The following SCD5 variants were observed in gnomAD, a reference collection of about 807,000 sequenced individuals.
SCD5 encodes acyl-CoA-desaturase 4.
A neutral mutation model predicts 30.4 loss-of-function variants in SCD5; 20 were observed. The observed-to-expected ratio is 0.66, with a 90% CI of 0.46 to 0.96. SCD5 has a LOEUF of 0.96. SCD5 is among the 40% of genes least tolerant of loss of function. The pLI, the probability that SCD5 is intolerant of heterozygous loss-of-function variation, is 0.00. For synonymous variants in SCD5, 173 were observed against 176.4 expected (o/e 0.98, Z 0.16); for missense variants, 381 against 443.3 (o/e 0.86, Z 1.26).
chr4:82,724,853 G>A (rs1011765583), intron 1 of SCD5, among the ~76,000 whole-genome samples: 7 of 152,198 alleles, frequency 4.6e-5, no homozygotes, highest in African/African-American at 1.7e-4. Flanking sequence ...AGACATTTAG[G>A]CCCCAGGGCC....
At chr4:82,638,425 A>C (rs1395370) in intron 3 of SCD5, among the ~76,000 whole-genome samples, 137,224 of 152,212 alleles carry the variant, frequency 0.9, 61,995 homozygotes, top group East Asian at 0.99. Flanking sequence ...GCATGCATTA[A>C]TGGAGTGGCT....
At chr4:82,650,034 G>T (rs757685962) in intron 3 of SCD5, among the ~76,000 whole-genome samples, 22 of 152,186 alleles carry the variant, frequency 1.4e-4, no homozygotes, top group Non-Finnish European at 2.6e-4. Flanking sequence ...TCCACGTGCT[G>T]CTTCCTTCAG....
chr4:82,653,690 A>ATAGATAGATAGATAGC, intron 3 of SCD5, among the ~76,000 whole-genome samples: 1 of 140,464 alleles, frequency 7.1e-6, no homozygotes, highest in African/African-American at 2.7e-5. Flanking sequence ...AGATAGATAG[A>ATAGATAGATAGATAGC]TAGATAGATA....
chr4:82,679,300 G>GAA lies in SCD5; in HGVS notation c.569+1405_569+1406dup, dbSNP rs1445363717. On this transcript the variant is annotated intron_variant, in intron 3 of 4. Coordinates refer to ENST00000319540, the MANE Select transcript of SCD5 (RefSeq NM_001037582.3). ...AGAAAGAAGGAAGGAAAGAAAGAAA[G>GAA]AAAACATCTTGTTATTTTCTGCTAT... Among the ~76,000 whole-genome samples the GAA allele has an allele frequency of 3.4e-5, 5 of 149,162 alleles. 1 individual carries two copies. The highest frequency in any genetic ancestry group is 2.0e-4 in the East Asian group (1 of 5,014).
At chr4:82,760,238 A>G (rs1266593273) in intron 1 of SCD5, among the ~76,000 whole-genome samples, 1 of 152,150 alleles carries the variant, frequency 6.6e-6, no homozygotes, top group Non-Finnish European at 1.5e-5. Flanking sequence ...CAGTCCTGAC[A>G]ACCTGAGCCC....
intron 3 of SCD5, among the ~76,000 whole-genome samples, chr4:82,666,375 G>T (rs930809374): frequency 6.6e-6 from 1 of 152,124 alleles, no homozygotes; most frequent in African/African-American, 2.4e-5. Flanking sequence ...TGTTAGCCGG[G>T]CGTGGTGGCG....
chr4:82,632,636 A>T (rs1283805296), intron 4 of SCD5, among the ~76,000 whole-genome samples: 1 of 152,192 alleles, frequency 6.6e-6, no homozygotes, highest in East Asian at 1.9e-4. Context: ...TGGTTGAACT[A>T]GTTTATAGTC....
At chr4:82,783,869 A>T (rs1357249033) in intron 1 of SCD5, among the ~76,000 whole-genome samples, 1 of 152,078 alleles carries the variant, frequency 6.6e-6, no homozygotes, top group Non-Finnish European at 1.5e-5. Flanking sequence ...AGAAAGAAAG[A>T]AATGTCCAGA....
intron 1 of SCD5, among the ~76,000 whole-genome samples, chr4:82,727,707 G>A (rs1415745376): frequency 6.6e-6 from 1 of 152,012 alleles, no homozygotes; most frequent in South Asian, 2.1e-4. Flanking sequence ...GAGACTTTTT[G>A]TTTCATTTTT....
intron 1 of SCD5, among the ~76,000 whole-genome samples, chr4:82,768,700 G>A (rs577111744): frequency 6.6e-6 from 1 of 152,282 alleles, no homozygotes; most frequent in South Asian, 2.1e-4. Flanking sequence ...ATAAAGTAAA[G>A]GTGCGAGTCA....
intron 1 of SCD5, among the ~76,000 whole-genome samples, chr4:82,742,078 CAAAAAAA>C (rs11366931): frequency 1.1e-5 from 1 of 92,402 alleles, no homozygotes; most frequent in Admixed American, 1.2e-4. Flanking sequence ...GAGTCCGTCT[CAAAAAAA>C]AAAAAAAAAG....
chr4:82,660,974 C>T (rs1418600955), intron 3 of SCD5: 17 of 1,613,942 alleles, frequency 1.1e-5, no homozygotes, highest in South Asian at 2.2e-5. Context: ...ATGTGTAATC[C>T]GGGAAGGGTG....
intron 2 of SCD5, among the ~76,000 whole-genome samples, chr4:82,695,013 A>AGG (rs1553916443): frequency 7.8e-6 from 1 of 127,458 alleles, no homozygotes; most frequent in Admixed American, 7.4e-5. Context: ...TGGGGACCCC[A>AGG]CTACTGTTCT....
At chr4:82,720,658 T>C (rs896237535) in intron 1 of SCD5, among the ~76,000 whole-genome samples, 1 of 152,062 alleles carries the variant, frequency 6.6e-6, no homozygotes, top group African/African-American at 2.4e-5. Flanking sequence ...CAACCCTCTG[T>C]AGGTCCAGGT....
intron 1 of SCD5, among the ~76,000 whole-genome samples, chr4:82,795,382 G>T (rs1392957861): frequency 6.6e-6 from 1 of 152,194 alleles, no homozygotes; most frequent in African/African-American, 2.4e-5. Context: ...AGGGCCTTCA[G>T]TGGGGGGAAA....
At chr4:82,652,369 A>AT (rs1363494045) in intron 3 of SCD5, among the ~76,000 whole-genome samples, 4 of 152,230 alleles carry the variant, frequency 2.6e-5, no homozygotes, top group African/African-American at 9.6e-5. Context: ...TAAAATATAA[A>AT]ATATACCAGC....
intron 1 of SCD5, among the ~76,000 whole-genome samples, chr4:82,716,973 A>T (rs1720241526): frequency 6.6e-6 from 1 of 151,852 alleles, no homozygotes; most frequent in African/African-American, 2.4e-5. Context: ...GGGTATTATA[A>T]GTAATCTAGA....
At chr4:82,660,547 C>T (rs566232574) in intron 3 of SCD5, 4 of 1,149,290 alleles carry the variant, frequency 3.5e-6, no homozygotes, top group Admixed American at 8.6e-5. Flanking sequence ...TATTGCACAT[C>T]TCCTCCATAC....
chr4:82,794,958 G>T (rs377343430), intron 1 of SCD5, among the ~76,000 whole-genome samples: 1 of 152,034 alleles, frequency 6.6e-6, no homozygotes, highest in Non-Finnish European at 1.5e-5. Context: ...GCCGCTTTCT[G>T]TCCTTGAAAG....
Sources: gnomAD v4.1 joint callset for allele counts (sites outside exome capture counted in the v4.1 genomes callset) on GRCh38, gnomAD v4.1.1 for gene constraint, MANE v1.5 for transcripts, NCBI Gene and HGNC (gene_info 2026-07-23, HGNC 2026-07-21) for gene names.